The following PPARGC1A variants were observed in gnomAD, a reference collection of about 807,000 sequenced individuals.
PPARGC1A encodes the protein PPARG coactivator 1 alpha.
PPARGC1A carries 25 observed loss-of-function variants against 88.7 expected under a neutral mutation model. The observed-to-expected ratio is 0.28, with a 90% CI of 0.21 to 0.39. PPARGC1A has a LOEUF of 0.39. Among genes scored for constraint, PPARGC1A ranks in the 10% least tolerant of loss-of-function variants. PPARGC1A has a pLI of 1.00. For synonymous variants in PPARGC1A, 363 were observed against 355.6 expected, an observed-to-expected ratio of 1.02 and a Z score of -0.24; for missense variants, 880 against 968.7, an observed-to-expected ratio of 0.91 and a Z score of 1.22.
At chr4:24,348,058 T>C in the PPARGC1A span, among the ~76,000 whole-genome samples, 2 of 152,206 alleles carry the variant, frequency 1.3e-5, no homozygotes, top group Admixed American at 6.5e-5. Context: ...CTTTCTGTCA[T>C]ATATGATGCT....
At chr4:24,393,050 C>A in the PPARGC1A span, among the ~76,000 whole-genome samples, 5 of 146,672 alleles carry the variant, frequency 3.4e-5, no homozygotes, top group African/African-American at 1.3e-4. Flanking sequence ...CACACACACC[C>A]CTTTTTCTGG....
chr4:24,129,572 T>C, the PPARGC1A span, among the ~76,000 whole-genome samples: 1 of 152,222 alleles, frequency 6.6e-6, no homozygotes, highest in African/African-American at 2.4e-5. Flanking sequence ...TCAACCATTG[T>C]GGAAGTCAGT....
At chr4:24,259,159 C>T in the PPARGC1A span, among the ~76,000 whole-genome samples, 1 of 152,108 alleles carries the variant, frequency 6.6e-6, no homozygotes, top group Admixed American at 6.5e-5. Context: ...ATGAGCCATA[C>T]TATTTGGGAT....
the PPARGC1A span, among the ~76,000 whole-genome samples, chr4:23,918,352 G>C: frequency 6.6e-6 from 1 of 151,788 alleles, no homozygotes; most frequent in Non-Finnish European, 1.5e-5. Flanking sequence ...CCCCTGAGTA[G>C]CTGGAATTAT....
At chr4:24,194,647 C>G in the PPARGC1A span, among the ~76,000 whole-genome samples, 1 of 19,448 alleles carries the variant, frequency 5.1e-5, no homozygotes, top group Non-Finnish European at 1.5e-4. Flanking sequence ...CACACACACA[C>G]ACACACACAC....
chr4:23,834,064 T>C (rs925731971), intron 2 of PPARGC1A, among the ~76,000 whole-genome samples: 4 of 152,008 alleles, frequency 2.6e-5, no homozygotes, highest in African/African-American at 4.8e-5. Flanking sequence ...CTTTGGTAGG[T>C]TGAGGCAGGC....
the PPARGC1A span, among the ~76,000 whole-genome samples, chr4:24,304,356 C>T: frequency 2.0e-5 from 3 of 152,146 alleles, no homozygotes; most frequent in Non-Finnish European, 4.4e-5. Context: ...GAATGGGGTA[C>T]TCCTAACAGC....
upstream of PPARGC1A, among the ~76,000 whole-genome samples, chr4:23,903,397 T>C (rs1381756097): frequency 6.6e-6 from 1 of 152,204 alleles, no homozygotes; most frequent in African/African-American, 2.4e-5. Context: ...TAAATGGAGA[T>C]GCATGGCATT....
the PPARGC1A span, among the ~76,000 whole-genome samples, chr4:24,315,449 C>T: frequency 8.5e-5 from 13 of 152,282 alleles, no homozygotes; most frequent in South Asian, 2.3e-3. Context: ...CAAACATCTT[C>T]CAGAATTCAG....
the PPARGC1A span, among the ~76,000 whole-genome samples, chr4:24,285,362 T>C: frequency 6.6e-6 from 1 of 151,826 alleles, no homozygotes; most frequent in Non-Finnish European, 1.5e-5. Context: ...TTCCACATGG[T>C]GAGATACACA....
chr4:23,844,895 T>C (rs1474432360), intron 2 of PPARGC1A, among the ~76,000 whole-genome samples: 4 of 136,080 alleles, frequency 2.9e-5, no homozygotes, highest in Non-Finnish European at 4.6e-5. Flanking sequence ...CACACATACA[T>C]ACAGAAAGAG....
chr4:24,141,008 G>A, the PPARGC1A span, among the ~76,000 whole-genome samples: 1 of 152,174 alleles, frequency 6.6e-6, no homozygotes, highest in Non-Finnish European at 1.5e-5. Flanking sequence ...ATAACAAAGG[G>A]ACTAACAGAA....
At chr4:24,094,454 G>C in the PPARGC1A span, among the ~76,000 whole-genome samples, 2 of 152,046 alleles carry the variant, frequency 1.3e-5, no homozygotes, top group Non-Finnish European at 2.9e-5. Context: ...TCCTTTTCCA[G>C]TCTTGATTTT....
the PPARGC1A span, among the ~76,000 whole-genome samples, chr4:24,026,579 A>G: frequency 6.6e-6 from 1 of 152,152 alleles, no homozygotes; most frequent in African/African-American, 2.4e-5. Flanking sequence ...CAAAAAAAAA[A>G]CTAAATTCTG....
At chr4:23,970,747 T>C in the PPARGC1A span, among the ~76,000 whole-genome samples, 17 of 152,338 alleles carry the variant, frequency 1.1e-4, no homozygotes, top group African/African-American at 4.1e-4. Flanking sequence ...ACACCCTTTC[T>C]TCCTACCTCA....
At chr4:24,435,814 A>G in the PPARGC1A span, among the ~76,000 whole-genome samples, 36 of 152,364 alleles carry the variant, frequency 2.4e-4, no homozygotes, top group Admixed American at 1.4e-3. Context: ...TAAACCACAC[A>G]GCATATAAGT....
the PPARGC1A span, among the ~76,000 whole-genome samples, chr4:24,420,483 C>T: frequency 6.6e-6 from 1 of 152,040 alleles, no homozygotes; most frequent in Non-Finnish European, 1.5e-5. Flanking sequence ...AGTGTCTGTC[C>T]GATCGTATGC....
intron 7 of PPARGC1A, among the ~76,000 whole-genome samples, chr4:23,821,757 T>C (rs1723053776): frequency 6.6e-6 from 1 of 151,966 alleles, no homozygotes; most frequent in South Asian, 2.1e-4. Flanking sequence ...CATCTTCATA[T>C]CATGCATAAG....
chr4:24,143,619 T>C, the PPARGC1A span, among the ~76,000 whole-genome samples: 1 of 112,178 alleles, frequency 8.9e-6, no homozygotes, highest in Admixed American at 8.0e-5. Context: ...AGAAAGATGA[T>C]AGATAGATAG....
Sources: gnomAD v4.1 joint callset for allele counts (sites outside exome capture counted in the v4.1 genomes callset) on GRCh38, gnomAD v4.1.1 for gene constraint, MANE v1.5 for transcripts, NCBI Gene and HGNC (gene_info 2026-07-23, HGNC 2026-07-21) for gene names.